The following CALN1 variants were observed in gnomAD, a reference collection of about 807,000 sequenced individuals.
The protein encoded by CALN1 is calcium-binding protein 8.
In CALN1, 17 loss-of-function variants were observed where a neutral mutation model predicts 30.6. The observed-to-expected ratio is 0.56, with a 90% CI of 0.38 to 0.83. CALN1 has a LOEUF of 0.83. CALN1 is among the 40% of genes least tolerant of loss of function. The pLI, the probability that CALN1 is intolerant of heterozygous loss-of-function variation, is 0.00. For synonymous variants in CALN1, 156 were observed against 131.4 expected (o/e 1.19, Z -1.28); for missense variants, 291 against 354.9 (o/e 0.82, Z 1.45).
At chr7:72,217,321 CG>C (rs1316568481) in intron 3 of CALN1, among the ~76,000 whole-genome samples, 1 of 152,020 alleles carries the variant, frequency 6.6e-6, no homozygotes, top group African/African-American at 2.4e-5. Flanking sequence ...TCAGGAGCCT[CG>C]GGGTGGAGGC....
intron 4 of CALN1, among the ~76,000 whole-genome samples, chr7:72,060,398 T>C (rs912015983): frequency 4.6e-5 from 7 of 152,050 alleles, no homozygotes; most frequent in African/African-American, 1.2e-4. Context: ...TTGCTGGACA[T>C]AGGAATGAAA....
chr7:71,938,157 C>T (rs1795943769), intron 5 of CALN1, among the ~76,000 whole-genome samples: 1 of 152,098 alleles, frequency 6.6e-6, no homozygotes, highest in South Asian at 2.1e-4. Context: ...TGCATTCTTC[C>T]CTGGGGTGGA....
chr7:71,846,795 CAT>C (rs1355394714), intron 5 of CALN1, among the ~76,000 whole-genome samples: 16 of 142,714 alleles, frequency 1.1e-4, no homozygotes, highest in Non-Finnish European at 2.1e-4. Flanking sequence ...CGTGTATATA[CAT>C]ATATATGAGC....
chr7:72,336,969 C>A (rs1439762711), intron 2 of CALN1: 2 of 985,144 alleles, frequency 2.0e-6, no homozygotes, highest in Non-Finnish European at 2.4e-6. Context: ...GGAGCGCGAT[C>A]TGGGCGCGTG....
intron 3 of CALN1, among the ~76,000 whole-genome samples, chr7:72,129,430 T>C (rs548092113): frequency 6.6e-6 from 1 of 152,282 alleles, no homozygotes; most frequent in Non-Finnish European, 1.5e-5. Context: ...GTGGCTGTAA[T>C]ATTGTGCGGT....
chr7:72,491,409 A>G, the CALN1 span, among the ~76,000 whole-genome samples: 1 of 152,096 alleles, frequency 6.6e-6, no homozygotes, highest in Admixed American at 6.5e-5. Flanking sequence ...TTTCTGCAAA[A>G]AGTTAAAAAA....
At chr7:71,943,657 A>G (rs10273829) in intron 5 of CALN1, among the ~76,000 whole-genome samples, 104,828 of 151,782 alleles carry the variant, frequency 0.69, 36,728 homozygotes, top group African/African-American at 0.73. Flanking sequence ...GGCCAGGTTG[A>G]TCTTGAACTC....
At chr7:72,465,723 G>T in the CALN1 span, among the ~76,000 whole-genome samples, 4 of 152,224 alleles carry the variant, frequency 2.6e-5, no homozygotes, top group African/African-American at 9.6e-5. Flanking sequence ...AGGTCTGCGG[G>T]TAGGAGATTA....
intron 4 of CALN1, among the ~76,000 whole-genome samples, chr7:72,070,271 C>T (rs181907701): frequency 1.6e-4 from 24 of 152,242 alleles, no homozygotes; most frequent in Middle Eastern, 6.8e-3. Context: ...TCTCCCAAAA[C>T]GTAAAAACTT....
intron 4 of CALN1, among the ~76,000 whole-genome samples, chr7:72,078,651 G>A (rs939441744): frequency 6.6e-6 from 1 of 152,042 alleles, no homozygotes; most frequent in Non-Finnish European, 1.5e-5. Flanking sequence ...TGTCAGGGAG[G>A]GTCGGGCGCA....
intron 2 of CALN1, among the ~76,000 whole-genome samples, chr7:72,400,485 T>C (rs1328725451): frequency 3.3e-5 from 5 of 152,224 alleles, no homozygotes; most frequent in African/African-American, 9.6e-5. Flanking sequence ...TTGCTTGGCA[T>C]TGCTCCTTCT....
At chr7:72,086,517 T>C (rs932349805) in intron 4 of CALN1, among the ~76,000 whole-genome samples, 3 of 152,176 alleles carry the variant, frequency 2.0e-5, no homozygotes, top group Non-Finnish European at 2.9e-5. Flanking sequence ...CACAGCAACC[T>C]CTGCCTCTGG....
chr7:72,009,129 G>T (rs1475106849), intron 5 of CALN1, among the ~76,000 whole-genome samples: 1 of 152,094 alleles, frequency 6.6e-6, no homozygotes, highest in Non-Finnish European at 1.5e-5. Flanking sequence ...CAAAAAAGCA[G>T]TTTATGAACT....
chr7:72,404,149 T>C (rs776310371), intron 1 of CALN1, among the ~76,000 whole-genome samples: 25 of 152,086 alleles, frequency 1.6e-4, no homozygotes, highest in Non-Finnish European at 3.1e-4. Flanking sequence ...TTCTGAAAAG[T>C]TGTCCTTGAC....
At chr7:71,885,749 T>G (rs1397935561) in intron 5 of CALN1, among the ~76,000 whole-genome samples, 1 of 152,236 alleles carries the variant, frequency 6.6e-6, no homozygotes, top group African/African-American at 2.4e-5. Flanking sequence ...TGAGACGCGC[T>G]GACCACGAGC....
At position 72,403,265 on chromosome 7, in the gene CALN1, G is replaced by A. The variant is rs1285790616; in HGVS notation, c.105C>T (p.Pro35=). ...AGAAGACTTGCCAGGTGGGGAAGTCGGGGGCCTGGCTCCTCGGCGGCTCCT... is the reference window on the plus strand; with the variant it reads ...AGAAGACTTGCCAGGTGGGGAAGTCAGGGGCCTGGCTCCTCGGCGGCTCCT... ...GGEEPPRSQA[P]DFPTWEKMPF... Residue 35 remains proline (P), a synonymous_variant, in exon 2 of 7, where the codon CCC becomes CCT. Coordinates refer to ENST00000395275, the MANE Select transcript of CALN1 (RefSeq NM_031468.4). 25 of 1,549,232 alleles carry A rather than the reference G, an allele frequency of 1.6e-5. No individual in the cohort carries two copies. Among genetic ancestry groups the A allele is most frequent in the African/African-American group, 2.7e-5 (2 of 73,074 alleles).
At chr7:72,405,349 C>CAT (rs1327130155) in intron 1 of CALN1, among the ~76,000 whole-genome samples, 2 of 152,224 alleles carry the variant, frequency 1.3e-5, no homozygotes, top group East Asian at 3.8e-4. Flanking sequence ...TTGTAACACT[C>CAT]ATAGCCTAGG....
At chr7:71,987,833 A>G (rs972026691) in intron 5 of CALN1, among the ~76,000 whole-genome samples, 1 of 152,094 alleles carries the variant, frequency 6.6e-6, no homozygotes, top group African/African-American at 2.4e-5. Context: ...TAGAGTCTCC[A>G]TCCTTTATCT....
intron 4 of CALN1, among the ~76,000 whole-genome samples, chr7:72,065,166 A>G (rs1410501561): frequency 6.9e-6 from 1 of 145,908 alleles, no homozygotes; most frequent in Non-Finnish European, 1.5e-5. Flanking sequence ...TAAAATATTA[A>G]TATTTTAATG....
Sources: gnomAD v4.1 joint callset for allele counts (sites outside exome capture counted in the v4.1 genomes callset) on GRCh38, gnomAD v4.1.1 for gene constraint, MANE v1.5 for transcripts, NCBI Gene and HGNC (gene_info 2026-07-23, HGNC 2026-07-21) for gene names.